The following BST1 variants were observed in gnomAD, a reference collection of about 807,000 sequenced individuals.
BST1 encodes ADP-ribosyl cyclase/cyclic ADP-ribose hydrolase 2.
In BST1, 49 loss-of-function variants were observed where a neutral mutation model predicts 40.6. The observed-to-expected ratio is 1.21, with a 90% CI of 0.96 to 1.53. The LOEUF (loss-of-function observed/expected upper bound fraction) is 1.53. Ranked by LOEUF, BST1 falls within the 40% of genes most tolerant of loss-of-function variation. BST1 has a pLI of 0.00. For missense variants in BST1, 423 were observed against 395.9 expected (o/e 1.07, Z -0.58); for synonymous variants, 157 against 159.3 (o/e 0.99, Z 0.11).
chr4:15,710,131 T>C (rs570433790), intron 3 of BST1, among the ~76,000 whole-genome samples: 437 of 151,980 alleles, frequency 2.9e-3, no homozygotes, highest in Non-Finnish European at 4.6e-3. Context: ...ACCACCACAC[T>C]AGGCTGTTTT....
At chr4:15,732,948 C>T (rs1352619754), downstream of BST1, among the ~76,000 whole-genome samples, 5 of 152,254 alleles carry the variant, frequency 3.3e-5, no homozygotes, top group Middle Eastern at 3.4e-3. Flanking sequence ...TTTCTTCCTT[C>T]TGGTGGGTTC....
chr4:15,723,412 A>AATTTTTTTGT (rs1048290810), intron 8 of BST1: 1 of 279,214 alleles, frequency 3.6e-6, no homozygotes, highest in African/African-American at 2.3e-5. Flanking sequence ...ACGCCCAGCT[A>AATTTTTTTGT]ATTTTTTTGT....
At chr4:15,766,248 A>C in the BST1 span, among the ~76,000 whole-genome samples, 4 of 151,998 alleles carry the variant, frequency 2.6e-5, no homozygotes, top group East Asian at 1.9e-4. Context: ...TAATCCAGAC[A>C]TGAAGGCCTG....
chr4:15,735,605 T>C (rs1285929218), downstream of BST1, among the ~76,000 whole-genome samples: 1 of 152,196 alleles, frequency 6.6e-6, no homozygotes, highest in African/African-American at 2.4e-5. Flanking sequence ...CATAAGACTT[T>C]TGGGTACTTA....
intron 8 of BST1, among the ~76,000 whole-genome samples, chr4:15,727,433 A>G (rs1421531442): frequency 1.3e-5 from 2 of 152,210 alleles, no homozygotes; most frequent in Admixed American, 6.5e-5. Flanking sequence ...CCTGGCAGGA[A>G]TTTTTCTAAT....
intron 8 of BST1, among the ~76,000 whole-genome samples, chr4:15,727,912 A>C (rs886214422): frequency 6.6e-6 from 1 of 151,720 alleles, no homozygotes; most frequent in Admixed American, 6.6e-5. Context: ...TACTGGAGGG[A>C]GTAGAATATA....
the BST1 span, among the ~76,000 whole-genome samples, chr4:15,771,032 T>C: frequency 6.6e-6 from 1 of 152,242 alleles, no homozygotes; most frequent in Non-Finnish European, 1.5e-5. Context: ...AGTTTATTTC[T>C]GTGCCCTCAA....
downstream of BST1, among the ~76,000 whole-genome samples, chr4:15,736,415 C>T (rs377006119): frequency 8.6e-5 from 13 of 152,040 alleles, no homozygotes; most frequent in African/African-American, 2.4e-4. Flanking sequence ...AGGTCAGGAG[C>T]CCTGGACAAC....
At chr4:15,767,982 C>A in the BST1 span, among the ~76,000 whole-genome samples, 1 of 152,124 alleles carries the variant, frequency 6.6e-6, no homozygotes, top group African/African-American at 2.4e-5. Flanking sequence ...TGACTTTGAC[C>A]ACATGGTCAC....
intron 7 of BST1, among the ~76,000 whole-genome samples, chr4:15,719,686 C>T (rs759484093): frequency 1.1e-4 from 17 of 152,120 alleles, no homozygotes; most frequent in Admixed American, 3.9e-4. Flanking sequence ...TTCTGAGTGT[C>T]GCTGGGTGGA....
intron 4 of BST1, among the ~76,000 whole-genome samples, chr4:15,713,448 T>G (rs1720332025): frequency 6.6e-6 from 1 of 151,992 alleles, no homozygotes; most frequent in Admixed American, 6.6e-5. Context: ...CCTCCCAAAG[T>G]GCTAGGATTA....
intron 4 of BST1, among the ~76,000 whole-genome samples, chr4:15,714,301 C>G (rs1470708729): frequency 6.6e-6 from 1 of 152,166 alleles, no homozygotes; most frequent in Non-Finnish European, 1.5e-5. Flanking sequence ...TCTACACCTC[C>G]TTCATTCTAG....
In BST1 at chr4:15,709,246, C is replaced by A. The variant is rs1296021344; in HGVS notation, c.451+1600C>A. ...GATAAGCTGATATTTGAACAAGGACCTGAAGGAGATGAGAAAGAGCATTTT... is the reference window on the plus strand; with the variant it reads ...GATAAGCTGATATTTGAACAAGGACATGAAGGAGATGAGAAAGAGCATTTT... On this transcript the variant is annotated intron_variant, in intron 3 of 8. Transcript: ENST00000265016. Among the ~76,000 whole-genome samples the A allele has an allele frequency of 2.0e-5, 3 of 152,200 alleles. No individual in the cohort carries two copies. In the East Asian group the frequency reaches 5.8e-4, roughly 29 times the overall value.
chr4:15,768,744 C>T, the BST1 span, among the ~76,000 whole-genome samples: 1 of 152,084 alleles, frequency 6.6e-6, no homozygotes, highest in South Asian at 2.1e-4. Flanking sequence ...GATCCACCCG[C>T]CTCAGCCTCC....
At chr4:15,765,118 CG>C in the BST1 span, among the ~76,000 whole-genome samples, 2 of 151,894 alleles carry the variant, frequency 1.3e-5, no homozygotes, top group East Asian at 3.8e-4. Flanking sequence ...GAGCATGGCA[CG>C]GTGTTTGTCT....
chr4:15,723,438 C>T (rs1268262919), intron 8 of BST1: 4 of 436,908 alleles, frequency 9.2e-6, no homozygotes, highest in Non-Finnish European at 1.2e-5. Context: ...TTTGTAGAGA[C>T]GGGGTTTCAC....
In BST1 at chr4:15,723,286, G is replaced by C. The variant is rs189578667; in HGVS notation, c.851+352G>C. The C allele has an allele frequency of 6.0e-3, 1,081 of 180,498 alleles. 13 individuals are homozygous for C. The highest frequency in any genetic ancestry group is 0.037 in the Middle Eastern group (16 of 436). 11.2% of individuals were successfully genotyped at this position (180,498 alleles called of 1,614,324 possible). A position where few individuals can be genotyped will look rare whatever the true frequency, so the allele number is the denominator to read the frequency against. The stretch of plus-strand genomic sequence containing the variant: ...GCGGGGGGCAGAGTCTCGCTCTATC[G>C]CCCAGGCTGGAGTGCAGTGGCGCAA... On this transcript the variant is annotated intron_variant, in intron 8 of 8. Coordinates refer to ENST00000265016, the MANE Select transcript of BST1 (RefSeq NM_004334.3).
At chr4:15,731,293 G>A (rs747060889) in intron 8 of BST1, 90 of 510,274 alleles carry the variant, frequency 1.8e-4, no homozygotes, top group Non-Finnish European at 2.7e-4. Flanking sequence ...AGACTCTGAG[G>A]CCAAAAATGC....
At chr4:15,750,528 G>A in the BST1 span, among the ~76,000 whole-genome samples, 1 of 152,216 alleles carries the variant, frequency 6.6e-6, no homozygotes, top group Admixed American at 6.5e-5. Context: ...GAATAAGACA[G>A]ATGTTGCTCT....
Sources: allele counts gnomAD v4.1 joint callset (sites outside exome capture counted in the v4.1 genomes callset), GRCh38; gene constraint gnomAD v4.1.1; transcripts MANE v1.5; gene names NCBI Gene and HGNC (gene_info 2026-07-23, HGNC 2026-07-21).